Variants in CECR2 observed in about 807,000 individuals in gnomAD.
The protein encoded by CECR2 is CECR2 histone acetyl-lysine reader, also known as chromatin remodeling regulator CECR2.
CECR2 carries 30 observed loss-of-function variants against 154.5 expected under a neutral mutation model. The observed-to-expected ratio is 0.19, with a 90% CI of 0.15 to 0.26. CECR2 has a LOEUF of 0.26. Among genes scored for constraint, CECR2 ranks in the 10% least tolerant of loss-of-function variants. The pLI, the probability that CECR2 is intolerant of heterozygous loss-of-function variation, is 1.00. For synonymous variants in CECR2, 725 were observed against 683.7 expected, an observed-to-expected ratio of 1.06 and a Z score of -0.94; for missense variants, 1,743 against 1,829.3, an observed-to-expected ratio of 0.95 and a Z score of 0.86.
At chr22:17,410,701 C>G (rs1325646454) in intron 1 of CECR2, among the ~76,000 whole-genome samples, 1 of 152,188 alleles carries the variant, frequency 6.6e-6, no homozygotes, top group Non-Finnish European at 1.5e-5. Flanking sequence ...CTCAGCCTCC[C>G]AAACTGCTGG....
chr22:17,447,359 T>C (rs1267226983), intron 1 of CECR2, among the ~76,000 whole-genome samples: 1 of 152,038 alleles, frequency 6.6e-6, no homozygotes, highest in Non-Finnish European at 1.5e-5. Flanking sequence ...TTCATCGTGT[T>C]ATCCAGGATG....
rs187481689 is a variant in CECR2, at chr22:17,414,664, C to T, written c.126+44755C>T. Among the ~76,000 whole-genome samples the T allele has an allele frequency of 2.1e-3, 318 of 151,502 alleles. 2 individuals are homozygous for T. Among genetic ancestry groups the T allele is most frequent in the Admixed American group, 2.0e-3 (30 of 15,242 alleles). On this transcript the variant is annotated intron_variant, in intron 1 of 18. Transcript: ENST00000262608. ...ATGTCTCCTAATGGTATCCCTCCCC[C>T]TCCCCCCACCCCACGACTGGCCCTG...
chr22:17,540,972 C>G (rs1222264643), intron 14 of CECR2, among the ~76,000 whole-genome samples, 172 bp downstream of exon 14: 1 of 152,188 alleles, frequency 6.6e-6, no homozygotes, highest in African/African-American at 2.4e-5. Flanking sequence ...TTAGTAGAGA[C>G]ACAGTGTTGC....
In CECR2 at chr22:17,548,901, G is replaced by C. The variant is rs369716151; in HGVS notation, c.3614G>C (p.Cys1205Ser). 24 of 1,613,230 alleles carry C rather than the reference G, an allele frequency of 1.5e-5. No homozygotes were observed. The African/African-American group carries it at 2.9e-4, about 20-fold the overall frequency. Residue 1205 changes from cysteine to serine, a missense_variant, in exon 17 of 19, where the codon TGT becomes TCT. Cys to Ser is a moderately radical substitution (Grantham distance 112, BLOSUM62 -1). Transcript: ENST00000262608. ...HHYQRTPYYA[C>S]PQSFSDWQRP... is the part of the protein sequence containing the mutation. ...TATCAGCGAACTCCTTACTATGCCTGTCCACAGAGCTTTTCTGACTGGCAG... is the reference window on the plus strand; with the variant it reads ...TATCAGCGAACTCCTTACTATGCCTCTCCACAGAGCTTTTCTGACTGGCAG...
chr22:17,413,325 G>T (rs539435577), intron 1 of CECR2, among the ~76,000 whole-genome samples: 1 of 152,158 alleles, frequency 6.6e-6, no homozygotes. Flanking sequence ...GGATTTCTTC[G>T]TTTCCAAGCA....
chr22:17,461,239 A>G (rs1363461536), intron 1 of CECR2, among the ~76,000 whole-genome samples: 1 of 152,196 alleles, frequency 6.6e-6, no homozygotes, highest in Non-Finnish European at 1.5e-5. Flanking sequence ...TTTTTTATCC[A>G]AAGCAACTGC....
intron 1 of CECR2, among the ~76,000 whole-genome samples, chr22:17,361,226 G>A (rs964275129): frequency 2.0e-5 from 3 of 152,134 alleles, no homozygotes; most frequent in African/African-American, 7.2e-5. Flanking sequence ...AGTGGCTCAC[G>A]TCTATAATCC....
At chr22:17,421,614 C>CAAAAAAAAAAAAA (rs34156323) in intron 1 of CECR2, among the ~76,000 whole-genome samples, 1 of 23,374 alleles carries the variant, frequency 4.3e-5, no homozygotes, top group Admixed American at 7.9e-4. Context: ...GACTCCGTCT[C>CAAAAAAAAAAAAA]AAAAAAAAAA....
Position 17,549,783 on chromosome 22 carries a change from G to GTTTTT in CECR2, c.4277+219_4277+220insTTTTT, listed in dbSNP as rs1491166897. ...TGCCACCACACCCAGCTAACTTTTTGGTTTTTTTTTTTTTTTTTTTTTGGT... is the reference window on the plus strand; with the variant it reads ...TGCCACCACACCCAGCTAACTTTTTGTTTTTGTTTTTTTTTTTTTTTTTTTTTGGT... On this transcript the variant is annotated intron_variant, in intron 17 of 18. Coordinates refer to ENST00000262608, the MANE Select transcript of CECR2 (RefSeq NM_001290047.2). Among the ~76,000 whole-genome samples the GTTTTT allele has an allele frequency of 6.0e-4, 53 of 88,816 alleles. 18 individuals carry two copies. Among genetic ancestry groups the GTTTTT allele is most frequent in the East Asian group, 1.4e-3 (4 of 2,768 alleles). The allele number at this position is 88,816 out of a possible 152,430, so 58.3% of individuals were successfully genotyped here.
upstream of CECR2, among the ~76,000 whole-genome samples, chr22:17,366,924 A>G (rs2063004779): frequency 6.6e-6 from 1 of 152,170 alleles, no homozygotes; most frequent in Non-Finnish European, 1.5e-5. Flanking sequence ...TGGAGGAACT[A>G]GGGAAAAAAC....
chr22:17,461,788 G>A (rs1021976267), intron 1 of CECR2, among the ~76,000 whole-genome samples: 6 of 148,408 alleles, frequency 4.0e-5, no homozygotes, highest in Non-Finnish European at 4.5e-5. Context: ...GGAAGTACCC[G>A]TTACTTTTTT....
intron 1 of CECR2, among the ~76,000 whole-genome samples, chr22:17,379,581 G>GGGGTGT (rs750622257): frequency 6.5e-5 from 9 of 137,814 alleles, no homozygotes; most frequent in Non-Finnish European, 1.1e-4. Context: ...CTACGTTGAA[G>GGGGTGT]GTGTGTGTGT....
rs756820244 is a variant in CECR2 at position 17,540,729 on chromosome 22, A to G, written c.1813A>G (p.Asn605Asp). Residue 605 changes from asparagine to aspartate, a missense_variant, in exon 14 of 19, where the codon AAT becomes GAT. Physicochemically the swap from Asn to Asp is conservative, Grantham distance 23. This residue lies in a region of CECR2 where 1,250 missense variants were observed against 1,192.1 expected (regional missense o/e 1.05). Coordinates refer to ENST00000262608, the MANE Select transcript of CECR2 (RefSeq NM_001290047.2). ...TQPPREVGTS[N>D]GRGFSHPLHC... ...GCCCCCGCGGGAGGTGGGCACTTCC[A>G]ATGGCCGAGGTTTTTCTCATCCCCT... The G allele has an allele frequency of 3.1e-6, 5 of 1,612,268 alleles. No individual in the cohort carries two copies. The highest frequency in any genetic ancestry group is 2.2e-5 in the East Asian group (1 of 44,842).
At chr22:17,379,925 T>A (rs985446453) in intron 1 of CECR2, among the ~76,000 whole-genome samples, 3 of 152,212 alleles carry the variant, frequency 2.0e-5, no homozygotes, top group African/African-American at 7.2e-5. Context: ...ATCTGTGGCT[T>A]TTGAAGATGT....
intron 16 of CECR2, among the ~76,000 whole-genome samples, chr22:17,547,853 G>A (rs1569157738): frequency 2.0e-5 from 3 of 152,104 alleles, no homozygotes; most frequent in South Asian, 2.1e-4. Flanking sequence ...GCCACAAGCC[G>A]TCTCTCAGCC....
chr22:17,402,594 C>G (rs1156663340), intron 1 of CECR2, among the ~76,000 whole-genome samples: 1 of 152,152 alleles, frequency 6.6e-6, no homozygotes, highest in Admixed American at 6.5e-5. Flanking sequence ...CTTCTATAAA[C>G]CCTCCACCCA....
intron 17 of CECR2, among the ~76,000 whole-genome samples, chr22:17,549,958 A>G (rs1330437342): frequency 6.6e-6 from 1 of 151,192 alleles, no homozygotes; most frequent in African/African-American, 2.4e-5. Flanking sequence ...AAATGGCCTT[A>G]GAGATGAAGA....
intron 2 of CECR2, among the ~76,000 whole-genome samples, chr22:17,484,686 A>C (rs2055389305): frequency 6.6e-6 from 1 of 152,124 alleles, no homozygotes; most frequent in Non-Finnish European, 1.5e-5. Flanking sequence ...GGATCACTTG[A>C]GGTCAGGAGT....
chr22:17,534,370 C>T (rs562546864), intron 9 of CECR2, among the ~76,000 whole-genome samples: 1 of 152,246 alleles, frequency 6.6e-6, no homozygotes, highest in South Asian at 2.1e-4. Flanking sequence ...ATCCCTGCTC[C>T]TTATATAAGT....
Sources: allele counts gnomAD v4.1 joint callset (sites outside exome capture counted in the v4.1 genomes callset), GRCh38; gene constraint gnomAD v4.1.1; regional missense constraint gnomAD v4.1.1; transcripts MANE v1.5; gene names NCBI Gene and HGNC (gene_info 2026-07-23, HGNC 2026-07-21).